The following THOC2 variants were observed in gnomAD, a reference collection of about 807,000 sequenced individuals.
THOC2 encodes the protein THO complex subunit 2.
In THOC2, 10 loss-of-function variants were observed where a neutral mutation model predicts 128.4. The ratio of observed to expected loss-of-function variants is 0.08; its 90% CI spans 0.05 to 0.13. THOC2 has a LOEUF of 0.13. THOC2 is among the 10% of genes least tolerant of loss of function. The pLI is 1.00. For missense variants in THOC2, 535 were observed against 1,155.7 expected (o/e 0.46, Z 7.79); for synonymous variants, 393 against 396.9 (o/e 0.99, Z 0.12).
chrX:123,720,577 T>A (rs1264981564), intron 1 of THOC2, among the ~76,000 whole-genome samples: 1 of 112,064 alleles, frequency 8.9e-6, no homozygotes, highest in Non-Finnish European at 1.9e-5. Flanking sequence ...TCCAAAAAAA[T>A]TTAAGTCAGG....
intron 1 of THOC2, among the ~76,000 whole-genome samples, chrX:123,732,192 T>C (rs1037434528): frequency 6.3e-5 from 7 of 111,752 alleles, no homozygotes; most frequent in African/African-American, 2.0e-4. Context: ...CTTGGAGAGC[T>C]GCCAGAATTA....
intron 7 of THOC2, among the ~76,000 whole-genome samples, chrX:123,693,401 G>C (rs186649058): frequency 8.9e-6 from 1 of 112,155 alleles, no homozygotes; most frequent in Non-Finnish European, 1.9e-5. Flanking sequence ...GGGAGGCAGA[G>C]GTTGCGGATA....
At chrX:123,726,190 C>T (rs1234281694) in intron 1 of THOC2, among the ~76,000 whole-genome samples, 1 of 110,039 alleles carries the variant, frequency 9.1e-6, no homozygotes, top group Non-Finnish European at 1.9e-5. Flanking sequence ...GCCTGGGCGA[C>T]AGAGTGAGAC....
At chrX:123,662,896 C>T (rs1405153516) in intron 12 of THOC2, among the ~76,000 whole-genome samples, 1 of 111,737 alleles carries the variant, frequency 8.9e-6, no homozygotes, top group Non-Finnish European at 1.9e-5. Context: ...AAATTAAAAG[C>T]TCAGTGAGAT....
At chrX:123,706,003 T>C (rs2050910414) in intron 3 of THOC2, among the ~76,000 whole-genome samples, 1 of 111,556 alleles carries the variant, frequency 9.0e-6, no homozygotes, top group African/African-American at 3.2e-5. Context: ...ACCTCAAGCT[T>C]AACTACTGGT....
At chrX:123,620,786 C>T (rs1362202355) in intron 32 of THOC2, 121 bp downstream of exon 32, 1 of 585,461 alleles carries the variant, frequency 1.7e-6, no homozygotes, top group African/African-American at 2.3e-5. Context: ...TTTTCTAATG[C>T]AATATAAAAC....
At chrX:123,720,249 C>A (rs898317247) in intron 1 of THOC2, among the ~76,000 whole-genome samples, 1 of 110,640 alleles carries the variant, frequency 9.0e-6, no homozygotes, top group Non-Finnish European at 1.9e-5. Flanking sequence ...AGTTCGAGAC[C>A]AGCCTGGGCA....
In THOC2 at chrX:123,633,949, T is replaced by C. The variant is rs1308370695; in HGVS notation, c.2136+4A>G. 2.7e-6 allele frequency: 3 copies of C among 1,126,467 alleles called. No individual in the cohort carries two copies. Among genetic ancestry groups the C allele is most frequent in the Non-Finnish European group, 2.4e-6 (2 of 826,510 alleles). The allele number at this position is 1,126,467 out of a possible 1,213,427, so 92.8% of individuals were successfully genotyped here. ...AGTTGATGAACAAAAATAGCAATTCTTACCTCAGCTTTTAGCTGCTCTCCA... is the reference window on the plus strand; with the variant it reads ...AGTTGATGAACAAAAATAGCAATTCCTACCTCAGCTTTTAGCTGCTCTCCA... On this transcript the variant is annotated splice_donor_region_variant and intron_variant, in intron 20 of 38. Transcript: ENST00000245838.
At chrX:123,631,237 G>T (rs901248084) in intron 22 of THOC2, among the ~76,000 whole-genome samples, 3 of 112,065 alleles carry the variant, frequency 2.7e-5, no homozygotes, top group African/African-American at 9.7e-5. Context: ...CTACCATGGG[G>T]TGTGACAACA....
chrX:123,625,105 G>C (rs1267691626), intron 25 of THOC2, among the ~76,000 whole-genome samples: 6 of 110,847 alleles, frequency 5.4e-5, no homozygotes, highest in Admixed American at 3.8e-4. Context: ...GTTTTGTTTT[G>C]TTTTGAGACT....
intron 38 of THOC2, chrX:123,603,762 T>C: frequency 3.2e-6 from 1 of 317,330 alleles, no homozygotes. Flanking sequence ...GAATGACAAA[T>C]CAGCAACCAC....
intron 8 of THOC2, among the ~76,000 whole-genome samples, chrX:123,680,557 T>C (rs189531942): frequency 3.9e-4 from 43 of 110,303 alleles, no homozygotes; most frequent in Non-Finnish European, 7.6e-4. Flanking sequence ...TGTCTCTGTG[T>C]CTCTTCCTTT....
intron 22 of THOC2, among the ~76,000 whole-genome samples, chrX:123,630,738 C>T (rs747743698): frequency 3.6e-5 from 4 of 110,202 alleles, no homozygotes; most frequent in Admixed American, 2.9e-4. Flanking sequence ...ACTCTCTCAA[C>T]GAAGGCTCTT....
chrX:123,628,392 A>G (rs1484061068), intron 22 of THOC2, among the ~76,000 whole-genome samples: 1 of 112,047 alleles, frequency 8.9e-6, no homozygotes. Context: ...GAATGGAACT[A>G]GTAATAGCCA....
At chrX:123,685,957 C>T (rs1245160660) in intron 8 of THOC2, among the ~76,000 whole-genome samples, 1 of 111,509 alleles carries the variant, frequency 9.0e-6, no homozygotes, top group African/African-American at 3.3e-5. Flanking sequence ...ACTTGGGAGG[C>T]TGAGGTGGGA....
intron 15 of THOC2, among the ~76,000 whole-genome samples, chrX:123,642,357 G>A (rs1273266541): frequency 1.9e-5 from 2 of 107,704 alleles, no homozygotes; most frequent in East Asian, 2.9e-4. Flanking sequence ...CACAGGAGGC[G>A]GAGGTTGCAG....
Position 123,703,467 on chromosome X carries a change from T to C in THOC2, c.261A>G (p.Val87=). The change falls in exon 4 of 39, where the codon GTA becomes GTG. Residue 87 remains valine (V), a synonymous_variant. Transcript: ENST00000245838. ...CTTAATACCTACCTAATATGCAGAATACATCAGCAAGAATGGAGGGCATAT... is the reference window on the plus strand; with the variant it reads ...CTTAATACCTACCTAATATGCAGAACACATCAGCAAGAATGGAGGGCATAT... ...REDMPSILAD[V]FCILDIETNC... 8.5e-7 allele frequency: 1 copy of C among 1,175,592 alleles called. No individual in the cohort carries two copies.
At chrX:123,659,398 C>A (rs1385701296) in intron 12 of THOC2, among the ~76,000 whole-genome samples, 1 of 112,231 alleles carries the variant, frequency 8.9e-6, no homozygotes, top group East Asian at 2.8e-4. Flanking sequence ...TGGTGAAACC[C>A]CGTCTCTGCT....
intron 1 of THOC2, among the ~76,000 whole-genome samples, chrX:123,716,833 G>A (rs1346960992): frequency 9.5e-6 from 1 of 105,720 alleles, no homozygotes; most frequent in Non-Finnish European, 1.9e-5. Flanking sequence ...AGGAGGTGGA[G>A]GCTGCAGTGC....
Sources: allele counts gnomAD v4.1 joint callset (sites outside exome capture counted in the v4.1 genomes callset), GRCh38; gene constraint gnomAD v4.1.1; transcripts MANE v1.5; gene names NCBI Gene and HGNC (gene_info 2026-07-23, HGNC 2026-07-21).